MOB3A: variants seen among roughly 807,000 people sequenced by gnomAD.
MOB3A encodes MOB kinase activator 3A.
A neutral mutation model predicts 17.8 loss-of-function variants in MOB3A; 17 were observed. The observed-to-expected ratio is 0.95, with a 90% CI of 0.65 to 1.43. The LOEUF (loss-of-function observed/expected upper bound fraction) is 1.43. Among genes scored for constraint, MOB3A ranks in the 40% most tolerant of loss-of-function variants. MOB3A has a pLI of 0.00. For synonymous variants in MOB3A, 124 were observed against 133.2 expected (o/e 0.93, Z 0.48); for missense variants, 333 against 310.8 (o/e 1.07, Z -0.54).
intron 3 of MOB3A, among the ~76,000 whole-genome samples, chr19:2,077,742 G>T (rs934133727): frequency 1.3e-5 from 2 of 152,046 alleles, no homozygotes; most frequent in Admixed American, 1.3e-4. Context: ...ATGAAGGGGG[G>T]CTACTAAGAG....
intron 3 of MOB3A, 85 bp from the exon 4 acceptor site, chr19:2,077,098 T>A: frequency 7.9e-7 from 1 of 1,259,568 alleles, no homozygotes; most frequent in Non-Finnish European, 1.1e-6. Flanking sequence ...ACAAGGGGCT[T>A]CCAGACAGAA....
At chr19:2,077,117 C>T in intron 3 of MOB3A, 104 bp from the exon 4 acceptor site, 2 of 1,040,160 alleles carry the variant, frequency 1.9e-6, no homozygotes, top group Non-Finnish European at 2.8e-6. Context: ...AAATTGCTGG[C>T]AGATCGGGCG....
At chr19:2,083,004 TTTG>T (rs66459718) in intron 2 of MOB3A, among the ~76,000 whole-genome samples, 56,992 of 151,712 alleles carry the variant, frequency 0.38, 12,389 homozygotes, top group African/African-American at 0.61. Flanking sequence ...CAGTTAATTT[TTTG>T]TTGTTGTTGT....
rs2017347361 is a variant in MOB3A at position 2,072,222 on chromosome 19, C to T, written c.*1173G>A. On this transcript the variant is annotated 3_prime_UTR_variant, in exon 5 of 5. Transcript: ENST00000357066. Reference sequence around the variant, plus strand: ...TTTGGAGGCCAAGGTAGGCGGATCACCTGAAGTCAGGAGTTTGAGACCAGC... The same window carrying T: ...TTTGGAGGCCAAGGTAGGCGGATCATCTGAAGTCAGGAGTTTGAGACCAGC... 2.6e-5 allele frequency: 4 copies of T among 152,090 alleles called. No homozygotes were observed. The highest frequency in any genetic ancestry group is 2.1e-4 in the South Asian group (1 of 4,824). 9.4% of individuals were successfully genotyped at this position (152,090 alleles called of 1,614,324 possible).
At chr19:2,085,827 A>AGTG (rs2017546552) in intron 1 of MOB3A, among the ~76,000 whole-genome samples, 2 of 150,956 alleles carry the variant, frequency 1.3e-5, no homozygotes, top group African/African-American at 4.9e-5. Context: ...AGCCGGGCGT[A>AGTG]GTGGTGGGCA....
intron 2 of MOB3A, among the ~76,000 whole-genome samples, chr19:2,081,494 A>T (rs537515247): frequency 1.3e-5 from 2 of 152,078 alleles, no homozygotes; most frequent in Non-Finnish European, 2.9e-5. Flanking sequence ...AGGCTGAGGC[A>T]GGAGAATCGC....
chr19:2,076,764 C>T, intron 4 of MOB3A, 47 bp downstream of exon 4: 1 of 1,589,414 alleles, frequency 6.3e-7, no homozygotes, highest in South Asian at 1.1e-5. Flanking sequence ...TGCCACGGGC[C>T]ACCAGCCCCA....
intron 4 of MOB3A, 87 bp downstream of exon 4, chr19:2,076,724 G>C: frequency 2.8e-6 from 4 of 1,409,726 alleles, no homozygotes; most frequent in Non-Finnish European, 3.9e-6. Flanking sequence ...ACCGCAAGCA[G>C]TCAGGGTCCT....
At chr19:2,092,175 A>G (rs2017622072) in intron 1 of MOB3A, among the ~76,000 whole-genome samples, 1 of 143,870 alleles carries the variant, frequency 7.0e-6, no homozygotes. Context: ...ATCACGGCTC[A>G]CTGCAGCCTC....
Position 2,082,305 on chromosome 19 carries a change from A to AC in MOB3A, c.-120+2869dup, listed in dbSNP as rs1249945169. ...TCTCTGGGGTGGGGCCGTCAGGGGC[A>AC]CTGCAAGGTGCTGAGCGGCATCCCT... On this transcript the variant is annotated intron_variant, in intron 2 of 4. Coordinates refer to ENST00000357066, the MANE Select transcript of MOB3A (RefSeq NM_130807.3). This position sits in a 1 kb window ranked among gnomAD's most constrained non-coding sequence, Gnocchi z 4.1. Among the ~76,000 whole-genome samples the AC allele has an allele frequency of 6.6e-6, 1 of 152,202 alleles. No homozygotes were observed. Among genetic ancestry groups the AC allele is most frequent in the Non-Finnish European group, 1.5e-5 (1 of 68,030 alleles).
rs1175375814 is a variant in MOB3A, at chr19:2,078,486, G to A, written c.75C>T (p.Gly25=). Residue 25 remains glycine (G), a synonymous_variant, in exon 3 of 5, where the codon GGC becomes GGT. Transcript: ENST00000357066. ...TFRPKRKFEP[G]TQRFELHKKA... ...TCTTGTGCAGCTCGAAGCGCTGGGT[G>A]CCTGGCTCAAACTTGCGCTTGGGGC... The A allele has an allele frequency of 6.2e-7, 1 of 1,609,654 alleles. No homozygotes were observed. The highest frequency in any genetic ancestry group is 8.5e-7 in the Non-Finnish European group (1 of 1,176,634).
chr19:2,081,465 G>A (rs910214967), intron 2 of MOB3A, among the ~76,000 whole-genome samples: 3 of 152,138 alleles, frequency 2.0e-5, no homozygotes, highest in Admixed American at 6.6e-5. Flanking sequence ...GCGGGCGCCT[G>A]TAATCCCAGC....
In MOB3A at chr19:2,082,500, G is replaced by C. The variant is rs936881214; in HGVS notation, c.-120+2675C>G. Among the ~76,000 whole-genome samples, 1 of 152,234 alleles carries C rather than the reference G, an allele frequency of 6.6e-6. No individual in the cohort carries two copies. Among genetic ancestry groups the C allele is most frequent in the Non-Finnish European group, 1.5e-5 (1 of 68,034 alleles). On this transcript the variant is annotated intron_variant, in intron 2 of 4. Transcript: ENST00000357066. This position sits in a 1 kb window ranked among gnomAD's most constrained non-coding sequence, Gnocchi z 4.1. ...GTGTCTCACGCCACAGAGCTAGTGGGTGGATCGGCTGGGGCTCGAACCCTG... is the reference window on the plus strand; with the variant it reads ...GTGTCTCACGCCACAGAGCTAGTGGCTGGATCGGCTGGGGCTCGAACCCTG...
intron 4 of MOB3A, 43 bp from the exon 5 acceptor site, chr19:2,073,467 T>C (rs758145): frequency 0.43 from 696,037 of 1,612,694 alleles, 153,043 homozygotes; most frequent in African/African-American, 0.64. Context: ...CAGCCACTCC[T>C]AAAAGGGGTG....
At chr19:2,086,185 T>C (rs980637518) in intron 1 of MOB3A, among the ~76,000 whole-genome samples, 4 of 147,844 alleles carry the variant, frequency 2.7e-5, no homozygotes, top group African/African-American at 1.0e-4. Context: ...GGACTACAGG[T>C]GCCCGCTACA....
In MOB3A at chr19:2,093,854, G is replaced by A. The variant is rs1267317629; in HGVS notation, c.-274+2372C>T. 2.0e-5 allele frequency among the ~76,000 whole-genome samples: 3 copies of A among 152,150 alleles called. No individual in the cohort carries two copies. The highest frequency in any genetic ancestry group is 2.9e-5 in the Non-Finnish European group (2 of 68,018). Reference sequence around the variant, plus strand: ...TCCAGGGGGTCCGGAGGACAGGGACGTGACATGCTGGGATTTCACTTTCTT... The same window carrying A: ...TCCAGGGGGTCCGGAGGACAGGGACATGACATGCTGGGATTTCACTTTCTT... On this transcript the variant is annotated intron_variant, in intron 1 of 4. Transcript: ENST00000357066. This position sits in a 1 kb window ranked among gnomAD's most constrained non-coding sequence, Gnocchi z 4.6.
chr19:2,080,205 C>T (rs567414960), intron 2 of MOB3A, among the ~76,000 whole-genome samples: 1 of 152,238 alleles, frequency 6.6e-6, no homozygotes, highest in Non-Finnish European at 1.5e-5. Context: ...AAGGCCCACG[C>T]AGGGTGCTGG....
In MOB3A at chr19:2,072,443, A is replaced by G. The variant is rs1267322548; in HGVS notation, c.*952T>C. 2 of 152,172 alleles carry G rather than the reference A, an allele frequency of 1.3e-5. No individual in the cohort carries two copies. The highest frequency in any genetic ancestry group is 2.9e-5 in the Non-Finnish European group (2 of 68,044). 9.4% of individuals were successfully genotyped at this position (152,172 alleles called of 1,614,324 possible). A position where few individuals can be genotyped will look rare whatever the true frequency, so the allele number is the denominator to read the frequency against. ...GCGACAGTGGGAGACTCCGTTCAAA[A>G]AAAATAAAAATCTCAAGATGGTTGT... On this transcript the variant is annotated 3_prime_UTR_variant, in exon 5 of 5. Transcript: ENST00000357066.
At position 2,073,447 on chromosome 19, in the gene MOB3A, C is replaced by G. The variant is rs370833640; in HGVS notation, c.625-23G>C. 38 of 1,613,688 alleles carry G rather than the reference C, an allele frequency of 2.4e-5. No individual in the cohort carries two copies. In the African/African-American group the frequency reaches 4.7e-4, roughly 20 times the overall value. ...TTTCTGTAAAGAGCAAGCAAGACATCAGCTCCCACCAGCCACTCCTAAAAG... is the reference window on the plus strand; with the variant it reads ...TTTCTGTAAAGAGCAAGCAAGACATGAGCTCCCACCAGCCACTCCTAAAAG... On this transcript the variant is annotated intron_variant, in intron 4 of 4. Transcript: ENST00000357066.
Sources: allele counts gnomAD v4.1 joint callset (sites outside exome capture counted in the v4.1 genomes callset), GRCh38; gene constraint gnomAD v4.1.1; non-coding constraint Gnocchi (gnomAD v3.1); transcripts MANE v1.5; gene names NCBI Gene and HGNC (gene_info 2026-07-23, HGNC 2026-07-21).